COMMD10: variants seen among roughly 807,000 people sequenced by gnomAD.
COMMD10 encodes COMM domain containing 10.
COMMD10 carries 33 observed loss-of-function variants against 28.9 expected under a neutral mutation model. The ratio of observed to expected loss-of-function variants is 1.14; its 90% CI spans 0.87 to 1.53. COMMD10 has a LOEUF of 1.53. Among genes scored for constraint, COMMD10 ranks in the 40% most tolerant of loss-of-function variants. The pLI, the probability that COMMD10 is intolerant of heterozygous loss-of-function variation, is 0.00. For missense variants in COMMD10, 310 were observed against 233.4 expected, an observed-to-expected ratio of 1.33 and a Z score of -2.14; for synonymous variants, 110 against 81.7, an observed-to-expected ratio of 1.35 and a Z score of -1.87.
intron 4 of COMMD10, among the ~76,000 whole-genome samples, chr5:116,132,192 C>A (rs6894471): frequency 6.6e-6 from 1 of 151,918 alleles, no homozygotes; most frequent in African/African-American, 2.4e-5. Context: ...TTAGAAGATA[C>A]TGTAGAACAA....
In COMMD10 at chr5:116,132,292, C is replaced by A. The variant is rs6898524; in HGVS notation, c.400-1776C>A. Among the ~76,000 whole-genome samples the A allele has an allele frequency of 8.0e-3, 1,221 of 152,028 alleles. 22 individuals are homozygous for A. Among genetic ancestry groups the A allele is most frequent in the African/African-American group, 0.027 (1,133 of 41,476 alleles). ...ATGTTATTGGATATTATCAGTAACC[C>A]AGAAAAGTAGGTAGTTCAGATGGAT... On this transcript the variant is annotated intron_variant, in intron 4 of 6. Transcript: ENST00000274458.
At chr5:116,287,048 A>G (rs1415205999) in intron 5 of COMMD10, among the ~76,000 whole-genome samples, 2 of 151,840 alleles carry the variant, frequency 1.3e-5, no homozygotes, top group East Asian at 1.9e-4. Context: ...GTAAGTCCTC[A>G]TATAACATTG....
rs1490415889 is a variant in COMMD10, at chr5:116,109,302, G to A, written c.399+16602G>A. On this transcript the variant is annotated intron_variant, in intron 4 of 6. Transcript: ENST00000274458. Reference sequence around the variant, plus strand: ...TTAAAAAAATATTCCTATGTATTTGGCTGAGCACTATGGGCTCATGCCTGT... The same window carrying A: ...TTAAAAAAATATTCCTATGTATTTGACTGAGCACTATGGGCTCATGCCTGT... 3.9e-5 allele frequency among the ~76,000 whole-genome samples: 6 copies of A among 152,116 alleles called. 1 individual carries two copies. In the East Asian group the frequency reaches 1.2e-3, roughly 29 times the overall value.
intron 5 of COMMD10, among the ~76,000 whole-genome samples, chr5:116,170,505 CA>C (rs1343457410): frequency 5.9e-5 from 9 of 152,132 alleles, no homozygotes; most frequent in African/African-American, 2.2e-4. Flanking sequence ...CATGTGGAAC[CA>C]AAAAAGAACC....
intron 5 of COMMD10, among the ~76,000 whole-genome samples, chr5:116,239,947 A>G (rs1749770677): frequency 6.6e-6 from 1 of 152,072 alleles, no homozygotes; most frequent in Non-Finnish European, 1.5e-5. Context: ...ACTCCCCCCC[A>G]AGGAGAGTAG....
intron 4 of COMMD10, among the ~76,000 whole-genome samples, chr5:116,119,670 G>A (rs1023688146): frequency 1.2e-4 from 18 of 152,058 alleles, no homozygotes; most frequent in Non-Finnish European, 2.2e-4. Flanking sequence ...AGTGGCTTGT[G>A]GTGTGATCAT....
intron 5 of COMMD10, among the ~76,000 whole-genome samples, chr5:116,270,801 A>G (rs1750733039): frequency 6.6e-6 from 1 of 151,546 alleles, no homozygotes; most frequent in African/African-American, 2.4e-5. Flanking sequence ...GTTGGGCTTG[A>G]TGGTGCATAC....
At chr5:116,127,086 TCAAA>T (rs1751677680) in intron 4 of COMMD10, among the ~76,000 whole-genome samples, 2 of 151,342 alleles carry the variant, frequency 1.3e-5, no homozygotes. Flanking sequence ...CAAGAGAAAA[TCAAA>T]CAACCCCATC....
chr5:116,258,901 C>G (rs1428398927), intron 5 of COMMD10, among the ~76,000 whole-genome samples: 1 of 151,476 alleles, frequency 6.6e-6, no homozygotes, highest in East Asian at 1.9e-4. Flanking sequence ...ATTGCTTTTT[C>G]TACTCAGTTC....
intron 5 of COMMD10, among the ~76,000 whole-genome samples, chr5:116,147,266 C>T (rs554866856): frequency 6.6e-6 from 1 of 151,730 alleles, no homozygotes; most frequent in Admixed American, 6.6e-5. Flanking sequence ...TGGGAATATA[C>T]CGTAACTAGG....
rs191980582 is a variant in COMMD10, at chr5:116,137,449, G to A, written c.510+3271G>A. On this transcript the variant is annotated intron_variant, in intron 5 of 6. Transcript: ENST00000274458. Reference sequence around the variant, plus strand: ...CAAAACTGTCATACTTATGAAGTTGGTGTTGGTTTAAAACAGGAAGCATTG... The same window carrying A: ...CAAAACTGTCATACTTATGAAGTTGATGTTGGTTTAAAACAGGAAGCATTG... Among the ~76,000 whole-genome samples the A allele has an allele frequency of 1.1e-3, 170 of 152,142 alleles. 1 individual carries two copies. The highest frequency in any genetic ancestry group is 2.6e-3 in the Admixed American group (39 of 15,270).
At chr5:116,165,994 G>A (rs1753078043) in intron 5 of COMMD10, among the ~76,000 whole-genome samples, 1 of 152,110 alleles carries the variant, frequency 6.6e-6, no homozygotes. Flanking sequence ...CATGAATTGA[G>A]GTGGGTCAGC....
At chr5:116,277,150 AAACTGAACTATC>A (rs1282087335) in intron 5 of COMMD10, among the ~76,000 whole-genome samples, 2 of 151,898 alleles carry the variant, frequency 1.3e-5, no homozygotes, top group African/African-American at 4.9e-5. Context: ...ATCATTGTAC[AAACTGAACTATC>A]AGCTGTTGCT....
At chr5:116,190,012 G>A (rs930179040) in intron 5 of COMMD10, among the ~76,000 whole-genome samples, 1 of 152,176 alleles carries the variant, frequency 6.6e-6, no homozygotes, top group Non-Finnish European at 1.5e-5. Context: ...CAGAGGTGAT[G>A]TATGTGACCT....
At chr5:116,217,080 T>G (rs990156351) in intron 5 of COMMD10, among the ~76,000 whole-genome samples, 1 of 151,632 alleles carries the variant, frequency 6.6e-6, no homozygotes, top group Admixed American at 6.6e-5. Flanking sequence ...TTTTATAAAA[T>G]AATTTTTAAA....
At chr5:116,141,482 C>T (rs946025519) in intron 5 of COMMD10, among the ~76,000 whole-genome samples, 1 of 151,728 alleles carries the variant, frequency 6.6e-6, no homozygotes, top group Non-Finnish European at 1.5e-5. Flanking sequence ...TGCATTGAAT[C>T]CATATATTGC....
At chr5:116,140,525 A>G (rs1042728624) in intron 5 of COMMD10, among the ~76,000 whole-genome samples, 1 of 151,768 alleles carries the variant, frequency 6.6e-6, no homozygotes, top group African/African-American at 2.4e-5. Flanking sequence ...GGCTATACCA[A>G]TTTACATTTC....
At chr5:116,101,649 AC>A (rs1750663923) in intron 4 of COMMD10, among the ~76,000 whole-genome samples, 1 of 151,754 alleles carries the variant, frequency 6.6e-6, no homozygotes, top group African/African-American at 2.4e-5. Context: ...CTGGTCTCGA[AC>A]TCCTGACCTT....
At chr5:116,269,822 C>T (rs1246663852) in intron 5 of COMMD10, among the ~76,000 whole-genome samples, 1 of 151,694 alleles carries the variant, frequency 6.6e-6, no homozygotes. Flanking sequence ...ACTTGCCAGT[C>T]TTACTTCTCT....
Sources: allele counts gnomAD v4.1 joint callset (sites outside exome capture counted in the v4.1 genomes callset), GRCh38; gene constraint gnomAD v4.1.1; transcripts MANE v1.5; gene names NCBI Gene and HGNC (gene_info 2026-07-23, HGNC 2026-07-21).